ZNF846: variants seen among roughly 807,000 people sequenced by gnomAD.
ZNF846 encodes the protein zinc finger protein 420 pseudogene.
In ZNF846, 15 loss-of-function variants were observed where a neutral mutation model predicts 16.0. The observed-to-expected ratio is 0.94, with a 90% CI of 0.63 to 1.45. ZNF846 has a LOEUF of 1.45. ZNF846 is among the 40% of genes most tolerant of loss of function. The probability of loss-of-function intolerance (pLI) is 0.00; values close to 1 mark genes in which losing one functional copy is unlikely to be tolerated. For synonymous variants in ZNF846, 229 were observed against 212.0 expected (o/e 1.08, Z -0.70); for missense variants, 714 against 622.3 (o/e 1.15, Z -1.57).
At position 9,762,250 on chromosome 19, in the gene ZNF846, T is replaced by C. The variant is rs955372921; in HGVS notation, c.143-82A>G. 18 of 1,027,070 alleles carry C rather than the reference T, an allele frequency of 1.8e-5. No homozygotes were observed. In the East Asian group the frequency reaches 4.1e-4, roughly 23 times the overall value. The allele number at this position is 1,027,070 out of a possible 1,614,324, so 63.6% of individuals were successfully genotyped here. A position where few individuals can be genotyped will look rare whatever the true frequency, so the allele number is the denominator to read the frequency against. ...TCAATGGGGAACCAATACTTTTGCC[T>C]TCGGGGATTCTAAAGATGGTCAAGT... On this transcript the variant is annotated intron_variant, in intron 3 of 5. Transcript: ENST00000397902.
At chr19:9,775,971 T>C (rs1035110047) in intron 1 of ZNF846, among the ~76,000 whole-genome samples, 1 of 152,162 alleles carries the variant, frequency 6.6e-6, no homozygotes, top group African/African-American at 2.4e-5. Context: ...CTAGGAAAAA[T>C]CAGGCTATAC....
At chr19:9,753,219 AATTTATTTATTTATTT>A (rs57885198), downstream of ZNF846, among the ~76,000 whole-genome samples, 58 of 134,560 alleles carry the variant, frequency 4.3e-4, no homozygotes, top group Middle Eastern at 4.0e-3. Flanking sequence ...GAGGAGACAA[AATTTATTTATTTATTT>A]ATTTATTTAT....
At chr19:9,765,153 A>G in intron 1 of ZNF846, 118 bp from the exon 2 acceptor site, 2 of 573,244 alleles carry the variant, frequency 3.5e-6, no homozygotes, top group East Asian at 3.2e-5. Context: ...TAGGCGAATC[A>G]CTTGAGGTCA....
downstream of ZNF846, chr19:9,756,345 G>GTTTGTATATATATA (rs1321690890): frequency 1.2e-5 from 1 of 81,776 alleles, no homozygotes; most frequent in South Asian, 4.6e-4. Flanking sequence ...GTGTGTGTGT[G>GTTTGTATATATATA]TATATATATA....
At chr19:9,767,249 C>T (rs2045330957) in intron 1 of ZNF846, among the ~76,000 whole-genome samples, 1 of 151,950 alleles carries the variant, frequency 6.6e-6, no homozygotes, top group African/African-American at 2.4e-5. Flanking sequence ...GATTCTCCTG[C>T]CTCAGCCTCC....
downstream of ZNF846, chr19:9,757,418 T>G: frequency 2.2e-6 from 3 of 1,393,848 alleles, no homozygotes; most frequent in South Asian, 2.9e-5. Context: ...TTCTTTACCT[T>G]CCTATGATTT....
At chr19:9,760,288 T>C (rs2045203806) in intron 4 of ZNF846, among the ~76,000 whole-genome samples, 1 of 137,456 alleles carries the variant, frequency 7.3e-6, no homozygotes, top group African/African-American at 2.8e-5. Context: ...CAAGACTTCG[T>C]CTCAAAAAAA....
downstream of ZNF846, among the ~76,000 whole-genome samples, chr19:9,749,082 G>C (rs984747639): frequency 6.6e-6 from 1 of 152,090 alleles, no homozygotes; most frequent in African/African-American, 2.4e-5. Context: ...CACCATTCCA[G>C]AATAAAGCTG....
intron 1 of ZNF846, among the ~76,000 whole-genome samples, chr19:9,765,438 C>T (rs902812119): frequency 4.0e-5 from 6 of 151,808 alleles, no homozygotes; most frequent in Non-Finnish European, 5.9e-5. Flanking sequence ...TTTGGGAGGC[C>T]GAGGCGGGTG....
At chr19:9,781,228 C>T (rs1281924927) in intron 1 of ZNF846, among the ~76,000 whole-genome samples, 1 of 152,056 alleles carries the variant, frequency 6.6e-6, no homozygotes, top group Non-Finnish European at 1.5e-5. Context: ...CAGGTCCAAG[C>T]GAATTCTCCT....
At position 9,764,943 on chromosome 19, in the gene ZNF846, GA is replaced by G; in HGVS notation, c.7del (p.Ser3LeufsTer5). On this transcript the variant is annotated frameshift_variant, in exon 2 of 6. Transcript: ENST00000397902. LOFTEE classifies it high-confidence loss of function. ...GGTCTGCTTTCCACTTGCCTGAGAA[GA>G]ATCCATCAGTAATCCATCAGTAACC... 5 of 1,614,140 alleles carry G rather than the reference GA, an allele frequency of 3.1e-6. No homozygotes were observed. The highest frequency in any genetic ancestry group is 4.2e-6 in the Non-Finnish European group (5 of 1,180,028).
At chr19:9,752,195 A>G (rs1171312294) in exon 6 of ZNF846, 1 of 163,970 alleles carries the variant, frequency 6.1e-6, no homozygotes, top group African/African-American at 2.4e-5. Flanking sequence ...GTACAATGCA[A>G]CAGCATCTTA....
chr19:9,767,061 A>T (rs1296251472), intron 1 of ZNF846, among the ~76,000 whole-genome samples: 1 of 151,578 alleles, frequency 6.6e-6, no homozygotes, highest in East Asian at 1.9e-4. Context: ...TCATAGCTTC[A>T]GTGGCTCCTC....
chr19:9,758,152 GC>G lies in ZNF846; in HGVS notation c.924del (p.Lys308AsnfsTer50). The G allele has an allele frequency of 1.2e-6, 2 of 1,613,424 alleles. No homozygotes were observed. The highest frequency in any genetic ancestry group is 1.7e-6 in the Non-Finnish European group (2 of 1,180,000). On this transcript the variant is annotated frameshift_variant, in exon 6 of 6. Coordinates refer to ENST00000397902, the Ensembl canonical transcript of ZNF846. LOFTEE classifies it low-confidence loss of function (END_TRUNC). ...TTTCCACATTCCATACATACATAGG[GC>G]TTCTTTCCACTGTGGATTCTTGTAT...
chr19:9,756,097 C>G (rs2045131348), downstream of ZNF846: 1 of 148,918 alleles, frequency 6.7e-6, no homozygotes, highest in African/African-American at 2.5e-5. Context: ...ACCTCGGCCT[C>G]CTAAAGTGCT....
chr19:9,753,808 T>C (rs976293415), downstream of ZNF846, among the ~76,000 whole-genome samples: 13 of 151,758 alleles, frequency 8.6e-5, 1 homozygote, highest in African/African-American at 2.9e-4. Context: ...CATTAAGATT[T>C]GTTTTGTGGC....
At chr19:9,777,394 C>T (rs543827673) in intron 1 of ZNF846, among the ~76,000 whole-genome samples, 161 of 151,880 alleles carry the variant, frequency 1.1e-3, no homozygotes, top group Non-Finnish European at 1.3e-3. Flanking sequence ...AGTTTGGAGC[C>T]GGGTGCGGTG....
At chr19:9,756,992 G>A (rs111471843), downstream of ZNF846, 18,546 of 151,828 alleles carry the variant, frequency 0.12, 1,489 homozygotes, top group Admixed American at 0.23. Context: ...TCGGGAGATC[G>A]AGACCATCCT....
At chr19:9,754,563 T>TCAAAAAAAAAAAAAAAAAAA (rs776769152), downstream of ZNF846, among the ~76,000 whole-genome samples, 26 of 83,766 alleles carry the variant, frequency 3.1e-4, 1 homozygote, top group African/African-American at 9.9e-4. Flanking sequence ...AGACTCTGTC[T>TCAAAAAAAAAAAAAAAAAAA]TAAAAAAAAA....
Sources: gnomAD v4.1 joint callset for allele counts (sites outside exome capture counted in the v4.1 genomes callset) on GRCh38, gnomAD v4.1.1 for gene constraint, MANE v1.5 for transcripts, NCBI Gene and HGNC (gene_info 2026-07-23, HGNC 2026-07-21) for gene names.